The following TG variants were observed in gnomAD, a reference collection of about 807,000 sequenced individuals.
The protein encoded by TG is thyroglobulin, also known as thyroid hormones.
TG carries 270 observed loss-of-function variants against 324.7 expected under a neutral mutation model. That is an observed-to-expected ratio of 0.83 (90% CI 0.75 to 0.92). The LOEUF (loss-of-function observed/expected upper bound fraction) is 0.92, where lower values mean the gene tolerates loss of function less well. Among genes scored for constraint, TG ranks in the 40% least tolerant of loss-of-function variants. The probability of loss-of-function intolerance (pLI) is 0.00; values close to 1 mark genes in which losing one functional copy is unlikely to be tolerated. For synonymous variants in TG, 1,401 were observed against 1,327.0 expected (o/e 1.06, Z -1.21); for missense variants, 3,591 against 3,456.4 (o/e 1.04, Z -0.98).
At chr8:132,946,464 T>C (rs1650926446) in intron 26 of TG, among the ~76,000 whole-genome samples, 1 of 152,220 alleles carries the variant, frequency 6.6e-6, no homozygotes, top group Admixed American at 6.5e-5. Context: ...TCCCCAGTCT[T>C]GTCCAGTGGG....
At chr8:133,004,455 C>A (rs1462820961) in intron 35 of TG, among the ~76,000 whole-genome samples, 2 of 152,158 alleles carry the variant, frequency 1.3e-5, no homozygotes, top group Non-Finnish European at 2.9e-5. Flanking sequence ...CTTGGGGGTG[C>A]CTCTGTAACC....
At chr8:132,917,336 A>G (rs1207149652) in intron 20 of TG, among the ~76,000 whole-genome samples, 1 of 151,946 alleles carries the variant, frequency 6.6e-6, no homozygotes, top group Non-Finnish European at 1.5e-5. Flanking sequence ...GTGAGGAGGA[A>G]TCGTTGCTCA....
At chr8:132,963,546 T>C (rs1828066001) in intron 29 of TG, among the ~76,000 whole-genome samples, 1 of 152,216 alleles carries the variant, frequency 6.6e-6, no homozygotes, top group Admixed American at 6.5e-5. Context: ...TCTGGACTTC[T>C]CTACCTCCAG....
chr8:132,925,516 CGTGTGTGTGT>C (rs139966752), intron 22 of TG, among the ~76,000 whole-genome samples: 11 of 144,824 alleles, frequency 7.6e-5, no homozygotes, highest in Admixed American at 4.1e-4. Flanking sequence ...CTAAGGAGTG[CGTGTGTGTGT>C]GTGTGTGTGT....
At chr8:132,889,457 G>A (rs1025710793) in intron 10 of TG, among the ~76,000 whole-genome samples, 3 of 152,070 alleles carry the variant, frequency 2.0e-5, no homozygotes, top group Admixed American at 6.5e-5. Context: ...TTAAAATGTC[G>A]GGTGAAAGTA....
intron 29 of TG, among the ~76,000 whole-genome samples, chr8:132,964,451 G>C (rs906233155): frequency 6.6e-6 from 1 of 152,092 alleles, no homozygotes; most frequent in African/African-American, 2.4e-5. Flanking sequence ...ATCTCCACGT[G>C]GGCTCGTTTA....
chr8:132,868,085 T>C (rs535273903), intron 1 of TG, 30 bp from the exon 2 acceptor site: 4 of 1,605,150 alleles, frequency 2.5e-6, no homozygotes, highest in East Asian at 2.2e-5. Flanking sequence ...GTCCACACTC[T>C]TCTTTGATGA....
intron 35 of TG, chr8:132,994,607 C>T: frequency 1.8e-6 from 2 of 1,133,510 alleles, no homozygotes; most frequent in African/African-American, 1.6e-5. Flanking sequence ...TTAAATGATC[C>T]TTCAGTCATC....
intron 41 of TG, among the ~76,000 whole-genome samples, chr8:133,064,650 TG>T (rs1564140810): frequency 1.3e-5 from 2 of 152,360 alleles, no homozygotes; most frequent in East Asian, 3.9e-4. Flanking sequence ...GGTCACATAC[TG>T]GCATGGCGTT....
chr8:132,902,392 G>A (rs1818050851), intron 16 of TG, among the ~76,000 whole-genome samples: 1 of 152,120 alleles, frequency 6.6e-6, no homozygotes, highest in African/African-American at 2.4e-5. Context: ...AGAGATGGGA[G>A]GAGCCTCAGA....
At position 132,929,191 on chromosome 8, in the gene TG, A is replaced by C. The variant is rs758387063; in HGVS notation, c.4815A>C (p.Thr1605=). ...AGTTCCCCGTGATGCAGTGCTTGAC[A>C]GGTGAGGAGTGGTGGGGAGATATGC... ...DSEFPVMQCL[T]DCTEDEACSF... Residue 1605 remains threonine, a splice_region_variant and synonymous_variant, in exon 23 of 48, where the codon ACA becomes ACC. Transcript: ENST00000220616. 6.8e-6 allele frequency: 11 copies of C among 1,612,646 alleles called. No individual in the cohort carries two copies. The Admixed American group carries it at 1.8e-4, about 27-fold the overall frequency.
chr8:133,087,049 A>G (rs1846675440), intron 41 of TG, among the ~76,000 whole-genome samples: 2 of 151,080 alleles, frequency 1.3e-5, no homozygotes, highest in South Asian at 2.1e-4. Flanking sequence ...AATATGCTGT[A>G]TAGATTTCCT....
chr8:133,102,896 G>T (rs1009294533), intron 43 of TG: 37 of 328,904 alleles, frequency 1.1e-4, no homozygotes, highest in African/African-American at 7.7e-4. Flanking sequence ...TGGAGTGGGG[G>T]CCCTGTGGGT....
intron 3 of TG, among the ~76,000 whole-genome samples, chr8:132,870,513 A>T (rs1805349390): frequency 6.6e-6 from 1 of 151,552 alleles, no homozygotes; most frequent in Admixed American, 6.6e-5. Flanking sequence ...GAGGATTTAG[A>T]ACACGTGTAA....
intron 41 of TG, among the ~76,000 whole-genome samples, chr8:133,036,111 T>C (rs1212879226): frequency 6.6e-6 from 1 of 152,196 alleles, no homozygotes; most frequent in Non-Finnish European, 1.5e-5. Flanking sequence ...GCTGACTCCA[T>C]ACACTTCCTA....
chr8:132,932,993 C>T (rs1822940636), intron 23 of TG, among the ~76,000 whole-genome samples: 1 of 152,196 alleles, frequency 6.6e-6, no homozygotes, highest in Non-Finnish European at 1.5e-5. Context: ...TCAATCCTAG[C>T]TCTGCCACTT....
intron 20 of TG, among the ~76,000 whole-genome samples, chr8:132,918,022 AGTGGACCCAATG>A (rs966223952): frequency 7.2e-5 from 11 of 151,790 alleles, no homozygotes; most frequent in Non-Finnish European, 5.9e-5. Flanking sequence ...TATTGGTGGC[AGTGGACCCAATG>A]GTCTTGAGAG....
intron 41 of TG, among the ~76,000 whole-genome samples, chr8:133,057,232 G>T (rs1298188675): frequency 1.3e-5 from 2 of 152,090 alleles, no homozygotes; most frequent in Admixed American, 1.3e-4. Context: ...AGGGGAAAAA[G>T]ATCACAGCAG....
At chr8:133,113,671 A>T (rs1249320378) in intron 44 of TG, 68 bp downstream of exon 44, 2 of 1,557,606 alleles carry the variant, frequency 1.3e-6, no homozygotes, top group Non-Finnish European at 1.7e-6. Flanking sequence ...GTTGGTGTTC[A>T]GGTCATGAAT....
Sources: allele counts gnomAD v4.1 joint callset (sites outside exome capture counted in the v4.1 genomes callset), GRCh38; gene constraint gnomAD v4.1.1; transcripts MANE v1.5; gene names NCBI Gene and HGNC (gene_info 2026-07-23, HGNC 2026-07-21).